ASXL2: variants seen among roughly 807,000 people sequenced by gnomAD.
ASXL2 encodes putative Polycomb group protein ASXL2.
Under a neutral mutation model 122.0 loss-of-function variants are expected in ASXL2, and 23 were observed. The ratio of observed to expected loss-of-function variants is 0.19; its 90% CI spans 0.14 to 0.27. ASXL2 has a LOEUF of 0.27. Ranked by LOEUF, ASXL2 falls within the 10% of genes least tolerant of loss-of-function variation. The pLI is 1.00. For synonymous variants in ASXL2, 650 were observed against 637.0 expected (o/e 1.02, Z -0.31); for missense variants, 1,518 against 1,713.8 (o/e 0.89, Z 2.02).
At chr2:25,856,797 T>C (rs529538641) in intron 1 of ASXL2, 1 of 1,240,782 alleles carries the variant, frequency 8.1e-7, no homozygotes. Flanking sequence ...CCTCTTGGGG[T>C]TGGTGACTGT....
intron 3 of ASXL2, among the ~76,000 whole-genome samples, chr2:25,823,919 T>A (rs1215310176): frequency 2.0e-5 from 3 of 151,890 alleles, no homozygotes; most frequent in Non-Finnish European, 4.4e-5. Flanking sequence ...TATTTTTAAT[T>A]GAGGAAAAAT....
At chr2:25,803,058 G>C (rs907875671) in intron 4 of ASXL2, among the ~76,000 whole-genome samples, 4 of 152,170 alleles carry the variant, frequency 2.6e-5, no homozygotes, top group Non-Finnish European at 5.9e-5. Flanking sequence ...CTTGAACCCG[G>C]GAGGCGGAGG....
intron 3 of ASXL2, among the ~76,000 whole-genome samples, chr2:25,812,196 C>T (rs1010229314): frequency 4.7e-5 from 7 of 149,790 alleles, no homozygotes; most frequent in East Asian, 1.9e-4. Context: ...CAGTGGCTCG[C>T]GTCTATAATC....
intron 3 of ASXL2, among the ~76,000 whole-genome samples, chr2:25,825,927 G>A (rs1195170893): frequency 2.0e-5 from 3 of 152,046 alleles, no homozygotes; most frequent in East Asian, 1.9e-4. Flanking sequence ...ATAAGATATC[G>A]GTTGACAAGG....
At chr2:25,844,586 AC>A (rs1182753565) in intron 2 of ASXL2, among the ~76,000 whole-genome samples, 14 of 151,804 alleles carry the variant, frequency 9.2e-5, no homozygotes, top group African/African-American at 3.4e-4. Flanking sequence ...AAAAAAAAAA[AC>A]AAACAAAAAA....
intron 3 of ASXL2, chr2:25,822,755 C>A: frequency 1.6e-6 from 1 of 620,354 alleles, no homozygotes; most frequent in South Asian, 1.4e-5. Context: ...GGGCAAAACT[C>A]AATTGGCTTA....
rs541926486 is a variant in ASXL2 at position 25,825,294 on chromosome 2, A to G, written c.143+10244T>C. Among the ~76,000 whole-genome samples the G allele has an allele frequency of 3.9e-5, 6 of 152,330 alleles. 1 individual carries two copies. In the East Asian group the frequency reaches 1.2e-3, roughly 29 times the overall value. On this transcript the variant is annotated intron_variant, in intron 3 of 12. Transcript: ENST00000435504. The stretch of plus-strand genomic sequence containing the variant: ...TTGTGCCCCATTCAAATAAATGCAA[A>G]ATCCTAGAACTTTTTTATTGTGGTA...
intron 1 of ASXL2, among the ~76,000 whole-genome samples, chr2:25,875,320 A>G (rs1486767525): frequency 6.6e-6 from 1 of 152,014 alleles, no homozygotes; most frequent in Non-Finnish European, 1.5e-5. Flanking sequence ...AATAATTATG[A>G]AGCCAAGCAC....
intron 3 of ASXL2, chr2:25,809,946 C>G (rs1574427807): frequency 3.8e-6 from 2 of 523,430 alleles, no homozygotes; most frequent in East Asian, 1.0e-4. Flanking sequence ...TCAGGTCAAG[C>G]AGAGTCTGGT....
At chr2:25,841,964 T>C (rs2089586124) in intron 2 of ASXL2, among the ~76,000 whole-genome samples, 1 of 137,648 alleles carries the variant, frequency 7.3e-6, no homozygotes, top group Non-Finnish European at 1.6e-5. Context: ...AAAAAAAAAT[T>C]AGCCAGGCAT....
At chr2:25,821,763 T>C (rs1479517763) in intron 3 of ASXL2, among the ~76,000 whole-genome samples, 2 of 152,100 alleles carry the variant, frequency 1.3e-5, no homozygotes, top group African/African-American at 4.8e-5. Context: ...ACCATAAATA[T>C]CCACTTATCA....
At chr2:25,803,778 C>G (rs2089034234) in intron 4 of ASXL2, among the ~76,000 whole-genome samples, 1 of 152,216 alleles carries the variant, frequency 6.6e-6, no homozygotes, top group African/African-American at 2.4e-5. Flanking sequence ...GGAGGCAGAA[C>G]TCAGGCAGTC....
rs1330303797 is a variant in ASXL2, at chr2:25,742,311, G to A, written c.4026C>T (p.Asn1342=). 33 of 1,612,990 alleles carry A rather than the reference G, an allele frequency of 2.0e-5. No individual in the cohort carries two copies. Among genetic ancestry groups the A allele is most frequent in the Middle Eastern group, 1.7e-4 (1 of 6,056 alleles). ...ATACCTGGCTACCTGGTACAGCAGAGTTATGGTCCATGTCAGATGAGGTGG... is the reference window on the plus strand; with the variant it reads ...ATACCTGGCTACCTGGTACAGCAGAATTATGGTCCATGTCAGATGAGGTGG... The part of the protein sequence containing the change: ...NVSTSSDMDH[N]SAVPGSQVSS... Residue 1342 remains asparagine, a synonymous_variant, in exon 13 of 13, where the codon AAC becomes AAT. Transcript: ENST00000435504.
At chr2:25,770,451 C>T (rs1002144364) in intron 6 of ASXL2, among the ~76,000 whole-genome samples, 8 of 152,102 alleles carry the variant, frequency 5.3e-5, no homozygotes, top group Non-Finnish European at 8.8e-5. Flanking sequence ...AAGTTATGTA[C>T]AGTGTAATAT....
In ASXL2 at chr2:25,735,754, A is replaced by G. The variant is rs1221576370; in HGVS notation, c.*6275T>C. 2.6e-5 allele frequency: 4 copies of G among 152,232 alleles called. No homozygotes were observed. Among genetic ancestry groups the G allele is most frequent in the African/African-American group, 9.6e-5 (4 of 41,466 alleles). The allele number at this position is 152,232 out of a possible 1,614,324, so 9.4% of individuals were successfully genotyped here. On this transcript the variant is annotated 3_prime_UTR_variant, in exon 13 of 13. Coordinates refer to ENST00000435504, the MANE Select transcript of ASXL2 (RefSeq NM_018263.6). ...TTAAGAGATTTCTTGAAATTTCTAT[A>G]GACAACTTTAGCTATTCCAACAATA... is the stretch of plus-strand genomic sequence containing the variant.
chr2:25,754,402 ATGGCAGAATT>A (rs760390550), intron 10 of ASXL2, among the ~76,000 whole-genome samples: 72 of 152,300 alleles, frequency 4.7e-4, no homozygotes, highest in Non-Finnish European at 7.2e-4. Context: ...AGAGGTAGAA[ATGGCAGAATT>A]TGAAGTTTAA....
intron 5 of ASXL2, among the ~76,000 whole-genome samples, chr2:25,786,591 C>A (rs1040702691): frequency 6.6e-6 from 1 of 152,192 alleles, no homozygotes; most frequent in East Asian, 1.9e-4. Flanking sequence ...TGGTGGCTCA[C>A]GCCTGTAATC....
chr2:25,756,466 A>AAAAAAAAAAAG (rs2088137744), intron 9 of ASXL2, among the ~76,000 whole-genome samples: 3 of 80,936 alleles, frequency 3.7e-5, no homozygotes, highest in African/African-American at 9.9e-5. Context: ...AAAAAAAAAG[A>AAAAAAAAAAAG]AAAAAAAAAG....
chr2:25,839,203 T>C (rs553747823), intron 2 of ASXL2, among the ~76,000 whole-genome samples: 6 of 152,222 alleles, frequency 3.9e-5, no homozygotes, highest in Admixed American at 6.5e-5. Context: ...CACATTATCA[T>C]TGGTATTTAT....
Sources: gnomAD v4.1 joint callset for allele counts (sites outside exome capture counted in the v4.1 genomes callset) on GRCh38, gnomAD v4.1.1 for gene constraint, MANE v1.5 for transcripts, NCBI Gene and HGNC (gene_info 2026-07-23, HGNC 2026-07-21) for gene names.